CDK6: variants seen among roughly 807,000 people sequenced by gnomAD.
CDK6 encodes cyclin-dependent kinase 6.
Under a neutral mutation model 37.1 loss-of-function variants are expected in CDK6, and 6 were observed. The ratio of observed to expected loss-of-function variants is 0.16; its 90% CI spans 0.09 to 0.32. CDK6 has a LOEUF of 0.32. Among genes scored for constraint, CDK6 ranks in the 10% least tolerant of loss-of-function variants. CDK6 has a pLI of 1.00. For synonymous variants in CDK6, 160 were observed against 161.3 expected, an observed-to-expected ratio of 0.99 and a Z score of 0.06; for missense variants, 224 against 418.9, an observed-to-expected ratio of 0.53 and a Z score of 4.06.
chr7:92,710,850 G>A (rs1798071908), intron 4 of CDK6: 5 of 985,284 alleles, frequency 5.1e-6, no homozygotes, highest in Non-Finnish European at 4.8e-6. Context: ...ACCTCTGCAC[G>A]GAGATGAAAG....
rs773393615 is a variant in CDK6, at chr7:92,613,044, A to G, written c.*2096T>C. ...TTATAGTACTGACAACACCTAATCA[A>G]TGTTGTCACAACGAAAGTAGAAAAC... On this transcript the variant is annotated 3_prime_UTR_variant, in exon 8 of 8. Coordinates refer to ENST00000424848, the MANE Select transcript of CDK6 (RefSeq NM_001145306.2). 11 of 233,004 alleles carry G rather than the reference A, an allele frequency of 4.7e-5. No individual in the cohort carries two copies. Among genetic ancestry groups the G allele is most frequent in the Non-Finnish European group, 7.6e-5 (9 of 117,998 alleles). The allele number at this position is 233,004 out of a possible 1,614,324, so 14.4% of individuals were successfully genotyped here. A position where few individuals can be genotyped will look rare whatever the true frequency, so the allele number is the denominator to read the frequency against.
At chr7:92,719,641 C>A (rs1276604002) in intron 4 of CDK6, among the ~76,000 whole-genome samples, 2 of 152,118 alleles carry the variant, frequency 1.3e-5, no homozygotes, top group East Asian at 3.8e-4. Flanking sequence ...GAATGTTTCT[C>A]TAAACTATAC....
intron 3 of CDK6, among the ~76,000 whole-genome samples, chr7:92,741,746 G>T (rs1439360296): frequency 2.0e-5 from 3 of 151,736 alleles, no homozygotes; most frequent in African/African-American, 7.3e-5. Context: ...ATCCTCTAAG[G>T]ACCATTAAAA....
chr7:92,807,049 G>A (rs1275747643), intron 2 of CDK6, among the ~76,000 whole-genome samples: 1 of 152,076 alleles, frequency 6.6e-6, no homozygotes, highest in Non-Finnish European at 1.5e-5. Flanking sequence ...TTTTAATTCT[G>A]TATCACTCCC....
intron 4 of CDK6, among the ~76,000 whole-genome samples, chr7:92,686,720 G>T (rs1008245349): frequency 1.3e-5 from 2 of 152,012 alleles, no homozygotes; most frequent in Admixed American, 1.3e-4. Context: ...TTTCTATAGT[G>T]ATGTACTAGT....
At chr7:92,618,008 A>T (rs2116483340) in intron 7 of CDK6, 64 bp downstream of exon 7, 1 of 1,561,852 alleles carries the variant, frequency 6.4e-7, no homozygotes, top group Non-Finnish European at 8.7e-7. Context: ...CCCACCACCC[A>T]GTCTGGGTAG....
At chr7:92,778,235 T>C (rs1183903130) in intron 2 of CDK6, among the ~76,000 whole-genome samples, 1 of 152,210 alleles carries the variant, frequency 6.6e-6, no homozygotes, top group African/African-American at 2.4e-5. Flanking sequence ...TTTTTAATTA[T>C]GGGCAGTTTG....
At chr7:92,787,863 T>C (rs1800185704) in intron 2 of CDK6, among the ~76,000 whole-genome samples, 1 of 152,060 alleles carries the variant, frequency 6.6e-6, no homozygotes, top group Non-Finnish European at 1.5e-5. Context: ...CGTAACAAGG[T>C]GCAAGCAACC....
chr7:92,702,941 C>T (rs111662209), intron 4 of CDK6, among the ~76,000 whole-genome samples: 1 of 152,320 alleles, frequency 6.6e-6, no homozygotes, highest in African/African-American at 2.4e-5. Context: ...CCTAGGCTTC[C>T]ATCCACTGGA....
chr7:92,725,825 C>T (rs2116710991), intron 3 of CDK6, 32 bp from the exon 4 acceptor site: 1 of 1,591,336 alleles, frequency 6.3e-7, no homozygotes, highest in Non-Finnish European at 8.6e-7. Flanking sequence ...AATCAGTAAA[C>T]ACTCAAAACG....
chr7:92,618,304 AT>A, intron 6 of CDK6, 97 bp from the exon 7 acceptor site: 1 of 1,257,262 alleles, frequency 8.0e-7, no homozygotes. Flanking sequence ...AGGGGGAGAC[AT>A]GGGGGGCAGA....
At chr7:92,767,519 C>T (rs1359986943) in intron 3 of CDK6, among the ~76,000 whole-genome samples, 3 of 152,124 alleles carry the variant, frequency 2.0e-5, no homozygotes, top group Non-Finnish European at 4.4e-5. Context: ...AGTATAAACT[C>T]CCACAGTTGT....
intron 4 of CDK6, among the ~76,000 whole-genome samples, chr7:92,719,990 CAGAT>C (rs1466111545): frequency 1.3e-5 from 2 of 152,094 alleles, no homozygotes; most frequent in Non-Finnish European, 2.9e-5. Flanking sequence ...GGAGAGGACA[CAGAT>C]AGGACTGAAT....
chr7:92,721,261 CT>C (rs1428197989), intron 4 of CDK6, among the ~76,000 whole-genome samples: 1 of 152,114 alleles, frequency 6.6e-6, no homozygotes, highest in Non-Finnish European at 1.5e-5. Flanking sequence ...GGCAAAATCC[CT>C]ATTAGGAGGA....
chr7:92,721,489 G>C (rs1044507863), intron 4 of CDK6, among the ~76,000 whole-genome samples: 4 of 152,108 alleles, frequency 2.6e-5, no homozygotes, highest in Non-Finnish European at 2.9e-5. Flanking sequence ...GGCAAACACT[G>C]TTACCATCCA....
intron 2 of CDK6, among the ~76,000 whole-genome samples, chr7:92,822,419 A>C (rs941445521): frequency 2.6e-5 from 4 of 152,142 alleles, no homozygotes; most frequent in African/African-American, 7.2e-5. Context: ...TACTGAGTGA[A>C]TAGAAAAATA....
At chr7:92,804,600 G>GAGC (rs1800673413) in intron 2 of CDK6, among the ~76,000 whole-genome samples, 1 of 152,196 alleles carries the variant, frequency 6.6e-6, no homozygotes, top group African/African-American at 2.4e-5. Context: ...ATGCTAGATG[G>GAGC]TTGGACTTAT....
intron 5 of CDK6, among the ~76,000 whole-genome samples, chr7:92,667,458 A>C (rs1200067931): frequency 6.6e-6 from 1 of 152,178 alleles, no homozygotes; most frequent in Non-Finnish European, 1.5e-5. Context: ...CTGGTTTCCC[A>C]AAGTGTTGGG....
At chr7:92,638,134 A>G (rs1309763531) in intron 5 of CDK6, among the ~76,000 whole-genome samples, 1 of 152,244 alleles carries the variant, frequency 6.6e-6, no homozygotes, top group African/African-American at 2.4e-5. Context: ...AAAAAATTTA[A>G]AAGACATTTT....
Sources: gnomAD v4.1 joint callset for allele counts (sites outside exome capture counted in the v4.1 genomes callset) on GRCh38, gnomAD v4.1.1 for gene constraint, MANE v1.5 for transcripts, NCBI Gene and HGNC (gene_info 2026-07-23, HGNC 2026-07-21) for gene names.